ACP7: variants seen among roughly 807,000 people sequenced by gnomAD.
The protein encoded by ACP7 is acid phosphatase 7, tartrate resistant (putative), also known as acid phosphatase type 7.
Under a neutral mutation model 60.6 loss-of-function variants are expected in ACP7, and 58 were observed. That is an observed-to-expected ratio of 0.96 (90% confidence interval 0.77 to 1.19). The LOEUF (loss-of-function observed/expected upper bound fraction) is 1.19. Among genes scored for constraint, ACP7 ranks in the 50% most tolerant of loss-of-function variants. ACP7 has a pLI of 0.00. For synonymous variants in ACP7, 237 were observed against 232.6 expected (o/e 1.02, Z -0.17); for missense variants, 574 against 596.2 (o/e 0.96, Z 0.39).
At chr19:39,091,530 G>C (rs2073204420) in intron 2 of ACP7, among the ~76,000 whole-genome samples, 1 of 152,286 alleles carries the variant, frequency 6.6e-6, no homozygotes, top group East Asian at 1.9e-4. Flanking sequence ...TTGCCACTGG[G>C]ATGTCATTGC....
intron 2 of ACP7, among the ~76,000 whole-genome samples, chr19:39,085,704 C>T (rs2073134049): frequency 6.6e-6 from 1 of 152,190 alleles, no homozygotes; most frequent in Non-Finnish European, 1.5e-5. Context: ...CGGTAGGCCT[C>T]AGAGCCAGTT....
chr19:39,085,130 C>CCCT lies in ACP7; in HGVS notation c.-139_-137dup, dbSNP rs10631433. ...ACCCATCTTGAAGGAGACCTCCCTGCCCTGCCTCTGTTGTCCCCCAGAGCA... is the reference window on the plus strand; with the variant it reads ...ACCCATCTTGAAGGAGACCTCCCTGCCCTCCTGCCTCTGTTGTCCCCCAGAGCA... On this transcript the variant is annotated 5_prime_UTR_variant, in exon 2 of 13. Coordinates refer to ENST00000331256, the MANE Select transcript of ACP7 (RefSeq NM_001004318.3). 0.18 allele frequency: 200,755 copies of CCCT among 1,116,076 alleles called. 19,522 individuals carry two copies. The highest frequency in any genetic ancestry group is 0.28 in the Admixed American group (10,855 of 38,674). 69.1% of individuals were successfully genotyped at this position (1,116,076 alleles called of 1,614,324 possible). A position where few individuals can be genotyped will look rare whatever the true frequency, so the allele number is the denominator to read the frequency against.
chr19:39,102,715 T>TTTTCTTTTTC (rs2073362212), intron 11 of ACP7, among the ~76,000 whole-genome samples: 1 of 118,616 alleles, frequency 8.4e-6, no homozygotes, highest in Non-Finnish European at 1.8e-5. Flanking sequence ...CAATGAAGAC[T>TTTTCTTTTTC]TTTCTTTCTT....
intron 1 of ACP7, 125 bp from the exon 2 acceptor site, chr19:39,084,959 GCCACCACT>G (rs771764355): frequency 1.6e-5 from 4 of 253,814 alleles, no homozygotes; most frequent in Non-Finnish European, 3.0e-5. Context: ...AATGCTCACA[GCCACCACT>G]TCATAGCAAT....
intron 11 of ACP7, among the ~76,000 whole-genome samples, chr19:39,103,302 C>T (rs980224578): frequency 7.2e-5 from 11 of 152,080 alleles, no homozygotes; most frequent in Non-Finnish European, 8.8e-5. Context: ...TTTTACTCTG[C>T]GGGTTATTAT....
intron 11 of ACP7, among the ~76,000 whole-genome samples, chr19:39,102,802 TTTC>T (rs2073369955): frequency 6.7e-6 from 1 of 149,386 alleles, no homozygotes; most frequent in Admixed American, 6.8e-5. Context: ...TCTTTCTTTC[TTTC>T]TTTTCTTCCT....
intron 2 of ACP7, among the ~76,000 whole-genome samples, chr19:39,093,376 T>G (rs911702016): frequency 4.0e-5 from 6 of 151,786 alleles, no homozygotes; most frequent in Admixed American, 4.0e-4. Flanking sequence ...TGCCTCAGCC[T>G]CCTGAGTAGC....
intron 2 of ACP7, among the ~76,000 whole-genome samples, chr19:39,088,880 G>T (rs1031118449): frequency 1.3e-5 from 2 of 151,926 alleles, no homozygotes; most frequent in African/African-American, 4.8e-5. Flanking sequence ...CGAGTAGCTG[G>T]GACTACCAGC....
rs1224551661 is a variant in ACP7, at chr19:39,100,997, C to G, written c.856C>G (p.His286Asp). ...AARPWIITMG[H>D]RPMYCSNADL... ...CCGGCCGTGGATCATCACTATGGGG[C>G]ACCGGCCCATGTACTGCTCCAACGC... The change falls in exon 8 of 13, where the codon CAC becomes GAC. Residue 286 changes from histidine (H) to aspartate (D), a missense_variant. Physicochemically the swap from His to Asp is moderately conservative, Grantham distance 81. Coordinates refer to ENST00000331256, the MANE Select transcript of ACP7 (RefSeq NM_001004318.3). The G allele has an allele frequency of 6.2e-7, 1 of 1,613,480 alleles. No individual in the cohort carries two copies. Among genetic ancestry groups the G allele is most frequent in the Non-Finnish European group, 8.5e-7 (1 of 1,179,996 alleles).
At position 39,110,055 on chromosome 19, in the gene ACP7, T is replaced by C. The variant is rs778487612; in HGVS notation, c.1254T>C (p.Asp418=). 6.2e-6 allele frequency: 10 copies of C among 1,613,438 alleles called. 1 individual carries two copies. The highest frequency in any genetic ancestry group is 1.7e-4 in the Middle Eastern group (1 of 6,060). ...GTCCCTGTTTTTGTCCCTCACAGGA[T>C]GGGAAGATCGTAGATGATGTCTGGG... ...IHIQQVSDDQ[D]GKIVDDVWVV... The change falls in exon 13 of 13, where the codon GAT becomes GAC. Residue 418 remains aspartate, a splice_region_variant and synonymous_variant. Coordinates refer to ENST00000331256, the MANE Select transcript of ACP7 (RefSeq NM_001004318.3).
At chr19:39,086,502 C>T (rs574493731) in intron 2 of ACP7, among the ~76,000 whole-genome samples, 2 of 151,900 alleles carry the variant, frequency 1.3e-5, no homozygotes, top group East Asian at 3.9e-4. Context: ...CATGGTGGCT[C>T]ACGCCTGGTC....
intron 12 of ACP7, among the ~76,000 whole-genome samples, chr19:39,107,298 A>T (rs1396966845): frequency 6.6e-6 from 1 of 151,660 alleles, no homozygotes; most frequent in East Asian, 2.0e-4. Context: ...AAATACAAAA[A>T]ATGGCCAGGC....
rs2073293932 is a variant in ACP7 at position 39,098,355 on chromosome 19, A to G, written c.122-103A>G. 14 of 768,308 alleles carry G rather than the reference A, an allele frequency of 1.8e-5. No homozygotes were observed. The East Asian group carries it at 4.1e-4, about 22-fold the overall frequency. 47.6% of individuals were successfully genotyped at this position (768,308 alleles called of 1,614,324 possible). On this transcript the variant is annotated intron_variant, in intron 2 of 12. Coordinates refer to ENST00000331256, the MANE Select transcript of ACP7 (RefSeq NM_001004318.3). Reference sequence around the variant, plus strand: ...AGTTCCAGAACCTGTGTCCTTAACCACTAACTGTTCAACAGTGGTCAACGC... The same window carrying G: ...AGTTCCAGAACCTGTGTCCTTAACCGCTAACTGTTCAACAGTGGTCAACGC...
chr19:39,103,169 C>T (rs555683833), intron 11 of ACP7, among the ~76,000 whole-genome samples: 4 of 152,260 alleles, frequency 2.6e-5, no homozygotes, highest in African/African-American at 7.2e-5. Context: ...GATTTTCTGT[C>T]GCCCTCACTC....
At chr19:39,104,980 A>G (rs2073395869) in intron 11 of ACP7, among the ~76,000 whole-genome samples, 1 of 152,026 alleles carries the variant, frequency 6.6e-6, no homozygotes, top group African/African-American at 2.4e-5. Context: ...CTTCACCAAT[A>G]TTTCCCAAAT....
At position 39,099,085 on chromosome 19, in the gene ACP7, G is replaced by C. The variant is rs1465655226; in HGVS notation, c.448G>C (p.Val150Leu). The C allele has an allele frequency of 4.4e-6, 7 of 1,603,058 alleles. No homozygotes were observed. The highest frequency in any genetic ancestry group is 6.0e-6 in the Non-Finnish European group (7 of 1,175,598). The change falls in exon 4 of 13, where the codon GTC (valine) becomes CTC (leucine). Residue 150 changes from valine (V) to leucine (L), a missense_variant. Val to Leu is a conservative substitution (Grantham distance 32). Coordinates refer to ENST00000331256, the MANE Select transcript of ACP7 (RefSeq NM_001004318.3). Reference sequence around the variant, plus strand: ...CCTGGGGGCTGACAACCCGAAGGCCGTCCCCCGGCTGCGCAGGGACACCCA... The same window carrying C: ...CCTGGGGGCTGACAACCCGAAGGCCCTCCCCCGGCTGCGCAGGGACACCCA... ...GDLGADNPKAVPRLRRDTQQG... is the reference protein window; with the variant it reads ...GDLGADNPKALPRLRRDTQQG...
At chr19:39,091,203 C>G (rs186191745) in intron 2 of ACP7, among the ~76,000 whole-genome samples, 30 of 150,868 alleles carry the variant, frequency 2.0e-4, no homozygotes, top group Non-Finnish European at 2.5e-4. Flanking sequence ...GCTCTTGTCA[C>G]CCAGGCTGGA....
At chr19:39,098,779 G>A in intron 3 of ACP7, 121 bp downstream of exon 3, 1 of 1,361,264 alleles carries the variant, frequency 7.3e-7, no homozygotes, top group East Asian at 2.4e-5. Context: ...CTATCTGCAA[G>A]CCTGTTGTAT....
chr19:39,087,791 A>G (rs974398949), intron 2 of ACP7, among the ~76,000 whole-genome samples: 2 of 151,620 alleles, frequency 1.3e-5, no homozygotes, highest in South Asian at 2.1e-4. Context: ...GCACCACCAC[A>G]CCTGGCTAAT....
Sources: allele counts gnomAD v4.1 joint callset (sites outside exome capture counted in the v4.1 genomes callset), GRCh38; gene constraint gnomAD v4.1.1; transcripts MANE v1.5; gene names NCBI Gene and HGNC (gene_info 2026-07-23, HGNC 2026-07-21).